HCFC1: variants seen among roughly 807,000 people sequenced by gnomAD.
HCFC1 encodes the protein host cell factor 1.
In HCFC1, 7 loss-of-function variants were observed where a neutral mutation model predicts 105.5. The ratio of observed to expected loss-of-function variants is 0.07; its 90% CI spans 0.04 to 0.12. HCFC1 has a LOEUF of 0.12. HCFC1 is among the 10% of genes least tolerant of loss of function. HCFC1 has a pLI of 1.00. For missense variants in HCFC1, 1,065 were observed against 1,823.6 expected (o/e 0.58, Z 7.58); for synonymous variants, 918 against 828.1 (o/e 1.11, Z -1.86).
intron 7 of HCFC1, 27 bp from the exon 8 acceptor site, chrX:153,960,188 G>T (rs781981669): frequency 3.3e-6 from 4 of 1,196,635 alleles, no homozygotes; most frequent in Non-Finnish European, 4.5e-6. Context: ...TTGGTGAGAA[G>T]GGGCGGGAGG....
At chrX:153,964,095 G>A (rs1557117735) in intron 3 of HCFC1, 29 bp downstream of exon 3, 1 of 1,169,317 alleles carries the variant, frequency 8.6e-7, no homozygotes, top group Non-Finnish European at 1.2e-6. Flanking sequence ...CCCACCCGGG[G>A]GGTTCCAGAG....
chrX:153,966,911 G>A (rs1391463171), intron 1 of HCFC1, among the ~76,000 whole-genome samples: 7 of 112,287 alleles, frequency 6.2e-5, no homozygotes, highest in African/African-American at 1.6e-4. Context: ...GCTGATCAGT[G>A]AGCCGGTGGG....
At chrX:153,953,018 C>T in intron 18 of HCFC1, 60 bp from the exon 19 acceptor site, 1 of 1,010,249 alleles carries the variant, frequency 9.9e-7, no homozygotes, top group Admixed American at 2.6e-5. Flanking sequence ...GCTATGGTCA[C>T]TGTTATTTTG....
intron 18 of HCFC1, 83 bp downstream of exon 18, chrX:153,953,524 G>C: frequency 9.8e-7 from 1 of 1,016,647 alleles, no homozygotes; most frequent in Non-Finnish European, 1.4e-6. Context: ...CCTGGTACAA[G>C]AGCGACATCT....
At position 153,954,941 on chromosome X, in the gene HCFC1, G is replaced by A. The variant is rs2065358415; in HGVS notation, c.3458C>T (p.Thr1153Ile). 1 of 1,195,740 alleles carries A rather than the reference G, an allele frequency of 8.4e-7. No homozygotes were observed. The highest frequency in any genetic ancestry group is 1.1e-6 in the Non-Finnish European group (1 of 889,211). Reference protein sequence around the residue: ...TPAVIRISVATGALEAAQGSK... With the variant: ...TPAVIRISVAIGALEAAQGSK... The stretch of plus-strand genomic sequence containing the variant: ...GCCCTGGGCTGCCTCCAGCGCCCCA[G>A]TGGCCACACTGATCCGGATCACGGC... The change falls in exon 17 of 26, where the codon ACT becomes ATT. Residue 1153 changes from threonine (T) to isoleucine (I), a missense_variant. This residue lies in a region of HCFC1 where 546 missense variants were observed against 599.9 expected (regional missense o/e 0.91). Coordinates refer to ENST00000310441, the MANE Select transcript of HCFC1 (RefSeq NM_005334.3).
rs1557113563 is a variant in HCFC1 at position 153,954,200 on chromosome X, G to C, written c.4199C>G (p.Thr1400Ser). The C allele has an allele frequency of 1.7e-6, 2 of 1,207,723 alleles. No individual in the cohort carries two copies. Among genetic ancestry groups the C allele is most frequent in the Admixed American group, 4.4e-5 (2 of 45,715 alleles). The stretch of plus-strand genomic sequence containing the variant: ...CAGCAGCGCGGTGCCAGCCTGGGGG[G>C]TGACGCTGGGTGCCGCCGCCACCTC... The part of the protein sequence containing the change: ...GLEVAAAPSV[T>S]PQAGTALLAP... Residue 1400 changes from threonine to serine, a missense_variant, in exon 17 of 26, where the codon ACC becomes AGC. Around this residue, in one of 17 missense-constraint regions of HCFC1, gnomAD observed 546 missense variants for 599.9 expected, o/e 0.91. Coordinates refer to ENST00000310441, the MANE Select transcript of HCFC1 (RefSeq NM_005334.3).
Position 153,959,742 on chromosome X carries a change from C to T in HCFC1, c.1444+60G>A, listed in dbSNP as rs1557116181. 7 of 1,134,608 alleles carry T rather than the reference C, an allele frequency of 6.2e-6. No individual in the cohort carries two copies. In the East Asian group the frequency reaches 9.0e-5, roughly 15 times the overall value. The allele number at this position is 1,134,608 out of a possible 1,213,427, so 93.5% of individuals were successfully genotyped here. On this transcript the variant is annotated intron_variant, in intron 8 of 25. Transcript: ENST00000310441. ...TGCCGTCTCGCAGCCCCTACTTGGC[C>T]GCTGCCTCTCCCCGGAGGCTAGCCC...
At chrX:153,960,856 G>A (rs190328529) in intron 6 of HCFC1, among the ~76,000 whole-genome samples, 92 of 112,680 alleles carry the variant, frequency 8.2e-4, no homozygotes, top group African/African-American at 2.7e-3. Context: ...GGGGAGCTTC[G>A]GCCACCCATC....
At position 153,958,245 on chromosome X, in the gene HCFC1, C is replaced by T; in HGVS notation, c.1808G>A (p.Ser603Asn). The part of the protein sequence containing the change: ...VKVASSPVMV[S>N]NPATRMLKTA... ...CTTCAGCATGCGAGTGGCAGGGTTG[C>T]TCACCTGGAGGAGGCAGAGACGAGT... Residue 603 changes from serine to asparagine, a missense_variant, in exon 11 of 26, where the codon AGC becomes AAC. Ser to Asn is a conservative substitution (Grantham distance 46, BLOSUM62 1). Coordinates refer to ENST00000310441, the MANE Select transcript of HCFC1 (RefSeq NM_005334.3). 1.7e-6 allele frequency: 2 copies of T among 1,205,210 alleles called. No homozygotes were observed. Among genetic ancestry groups the T allele is most frequent in the South Asian group, 1.8e-5 (1 of 56,758 alleles).
chrX:153,956,632 G>A lies in HCFC1; in HGVS notation c.2628C>T (p.Gly876=), dbSNP rs1557115062. 1 of 1,211,871 alleles carries A rather than the reference G, an allele frequency of 8.3e-7. No individual in the cohort carries two copies. Among genetic ancestry groups the A allele is most frequent in the African/African-American group, 1.7e-5 (1 of 57,955 alleles). Residue 876 remains glycine (G), a synonymous_variant, in exon 15 of 26, where the codon GGC becomes GGT. Coordinates refer to ENST00000310441, the MANE Select transcript of HCFC1 (RefSeq NM_005334.3). ...TGGCCTATGGGTACACACCTGTGGT[G>A]CCTTTCACAACCAACGTGGTGACGG... ...KPAVTTLVVK[G]TTGVTTLGTV...
At chrX:153,969,701 C>T (rs2065507079) in intron 1 of HCFC1, 1 of 113,154 alleles carries the variant, frequency 8.8e-6, no homozygotes, top group South Asian at 3.6e-4. Context: ...CAACAAACGG[C>T]CCCCACGAAG....
intron 1 of HCFC1, chrX:153,970,090 A>T (rs2065512253): frequency 9.0e-6 from 1 of 110,863 alleles, no homozygotes; most frequent in African/African-American, 3.3e-5. Context: ...ACGAATCTGT[A>T]ATCTAGAAAT....
chrX:153,958,183 C>A lies in HCFC1; in HGVS notation c.1870G>T (p.Ala624Ser), dbSNP rs781959147. Residue 624 changes from alanine to serine, a missense_variant, in exon 11 of 26, where the codon GCC (alanine) becomes TCC (serine). By Grantham distance (99) the Ala-to-Ser change is moderately conservative. Around this residue, in one of 17 missense-constraint regions of HCFC1, gnomAD observed 137 missense variants for 378.2 expected, o/e 0.36. Transcript: ENST00000310441. ...ATAGGGCGGGTAGACGTGTTGGTGG[C>A]GGAGGAAACCGATGTCCCCACCTGG... The part of the protein sequence containing the change: ...AAQVGTSVSS[A>S]TNTSTRPIIT... The A allele has an allele frequency of 1.7e-6, 2 of 1,211,737 alleles. No homozygotes were observed. The highest frequency in any genetic ancestry group is 2.2e-6 in the Non-Finnish European group (2 of 895,255).
Position 153,955,557 on chromosome X carries a change from G to A in HCFC1, c.2857-15C>T, listed in dbSNP as rs1557114656. 2 of 1,161,695 alleles carry A rather than the reference G, an allele frequency of 1.7e-6. No individual in the cohort carries two copies. The highest frequency in any genetic ancestry group is 3.0e-5 in the East Asian group (1 of 33,489). ...TGGGACACGGGCTGGGGAGACACAC[G>A]AGGAGGAGAGTTAGTGCTGCAGCTG... On this transcript the variant is annotated splice_polypyrimidine_tract_variant and intron_variant, in intron 16 of 25. Coordinates refer to ENST00000310441, the MANE Select transcript of HCFC1 (RefSeq NM_005334.3).
chrX:153,969,842 G>C (rs1262253487), intron 1 of HCFC1: 1 of 112,120 alleles, frequency 8.9e-6, no homozygotes, highest in East Asian at 2.8e-4. Flanking sequence ...GGAGACACAC[G>C]ACTACGCAGG....
In HCFC1 at chrX:153,961,579, C is replaced by T. The variant is rs1268924651; in HGVS notation, c.867G>A (p.Glu289=). 2 of 1,209,926 alleles carry T rather than the reference C, an allele frequency of 1.7e-6. No homozygotes were observed. The highest frequency in any genetic ancestry group is 2.2e-6 in the Non-Finnish European group (2 of 894,060). Reference sequence around the variant, plus strand: ...AAGCCAGCGTGTTGGTACACTTCCACTCCTTCTCGTGTGTGGCCACTTTGA... The same window carrying T: ...AAGCCAGCGTGTTGGTACACTTCCATTCCTTCTCGTGTGTGGCCACTTTGA... ...DDVKVATHEK[E]WKCTNTLACL... The change falls in exon 6 of 26, where the codon GAG becomes GAA. Residue 289 remains glutamate, a synonymous_variant. Transcript: ENST00000310441.
intron 17 of HCFC1, 36 bp from the exon 18 acceptor site, chrX:153,953,806 A>G: frequency 1.7e-6 from 2 of 1,162,325 alleles, no homozygotes; most frequent in Non-Finnish European, 2.3e-6. Flanking sequence ...GCTCAGCAGG[A>G]GCCCCCCCGG....
chrX:153,964,730 G>A lies in HCFC1; in HGVS notation c.194-4C>T. The A allele has an allele frequency of 2.6e-6, 3 of 1,161,764 alleles. No homozygotes were observed. Among genetic ancestry groups the A allele is most frequent in the Non-Finnish European group, 3.5e-6 (3 of 868,146 alleles). ...GGGATGAACCACTGGTTGGTTGCTG[G>A]GGAACAGAAGGAGGCAGAAGTCAGA... On this transcript the variant is annotated splice_polypyrimidine_tract_variant and splice_region_variant and intron_variant, in intron 1 of 25. Transcript: ENST00000310441.
intron 16 of HCFC1, among the ~76,000 whole-genome samples, chrX:153,955,935 T>C (rs2065371652): frequency 8.8e-6 from 1 of 113,237 alleles, no homozygotes; most frequent in Admixed American, 9.3e-5. Flanking sequence ...CGGCGTCCTG[T>C]AGAACACTGC....
Sources: allele counts gnomAD v4.1 joint callset (sites outside exome capture counted in the v4.1 genomes callset), GRCh38; gene constraint gnomAD v4.1.1; regional missense constraint gnomAD v4.1.1; transcripts MANE v1.5; gene names NCBI Gene and HGNC (gene_info 2026-07-23, HGNC 2026-07-21).